The following ARG1 variants were observed in gnomAD, a reference collection of about 807,000 sequenced individuals.
The protein encoded by ARG1 is arginase-1.
ARG1 carries 20 observed loss-of-function variants against 33.0 expected under a neutral mutation model. The ratio of observed to expected loss-of-function variants is 0.61; its 90% CI spans 0.43 to 0.88. ARG1 has a LOEUF of 0.88. ARG1 is among the 40% of genes least tolerant of loss of function. ARG1 has a pLI of 0.00. For synonymous variants in ARG1, 146 were observed against 140.6 expected (o/e 1.04, Z -0.27); for missense variants, 374 against 384.7 (o/e 0.97, Z 0.23).
At chr6:131,576,780 T>C in intron 2 of ARG1, 45 bp downstream of exon 2, 1 of 1,549,796 alleles carries the variant, frequency 6.5e-7, no homozygotes, top group Non-Finnish European at 8.9e-7. Context: ...TCCTCCCCAC[T>C]CTGAAGGAAA....
chr6:131,581,483 T>C, intron 4 of ARG1, 105 bp downstream of exon 4: 1 of 1,327,938 alleles, frequency 7.5e-7, no homozygotes, highest in African/African-American at 1.5e-5. Context: ...CTTGGTGTAA[T>C]CTCAAATCAT....
chr6:131,583,003 G>A (rs1277573531), intron 5 of ARG1, 57 bp from the exon 6 acceptor site: 1 of 1,235,734 alleles, frequency 8.1e-7, no homozygotes, highest in East Asian at 2.5e-5. Flanking sequence ...CTTAAAAGGA[G>A]ACAGGCGGGC....
intron 1 of ARG1, 138 bp downstream of exon 1, chr6:131,573,477 T>C: frequency 1.2e-6 from 1 of 805,410 alleles, no homozygotes; most frequent in South Asian, 1.5e-5. Context: ...TAAAGTCCTC[T>C]CACCATTTTC....
chr6:131,575,749 A>T (rs889976274), intron 1 of ARG1, among the ~76,000 whole-genome samples: 2 of 152,248 alleles, frequency 1.3e-5, no homozygotes, highest in Admixed American at 1.3e-4. Flanking sequence ...CTGTGCCTTT[A>T]GACCTCTAAT....
Position 131,581,253 on chromosome 6 carries a change from G to T in ARG1, c.340G>T (p.Val114Phe). 5 of 1,613,858 alleles carry T rather than the reference G, an allele frequency of 3.1e-6. No individual in the cohort carries two copies. The highest frequency in any genetic ancestry group is 4.2e-6 in the Non-Finnish European group (5 of 1,179,804). Residue 114 changes from valine (V) to phenylalanine (F), a missense_variant, in exon 4 of 8, where the codon GTC becomes TTC. Physicochemically the swap from Val to Phe is conservative, Grantham distance 50. Transcript: ENST00000368087. ...TGGAAGCATCTCTGGCCATGCCAGG[G>T]TCCACCCTGATCTTGGAGTCATCTG... ...AIGSISGHAR[V>F]HPDLGVIWVD... is the part of the protein sequence containing the mutation.
At chr6:131,577,247 A>T (rs1773663785) in intron 2 of ARG1, among the ~76,000 whole-genome samples, 2 of 152,188 alleles carry the variant, frequency 1.3e-5, no homozygotes, top group Non-Finnish European at 2.9e-5. Context: ...TACATATAAG[A>T]TTCTGATAAA....
chr6:131,583,330 G>GAAAT lies in ARG1; in HGVS notation c.666-24_666-21dup, dbSNP rs748252743. The GAAAT allele has an allele frequency of 1.9e-4, 302 of 1,613,936 alleles. 1 individual carries two copies. Among genetic ancestry groups the GAAAT allele is most frequent in the Non-Finnish European group, 1.3e-4 (150 of 1,179,946 alleles). On this transcript the variant is annotated intron_variant, in intron 6 of 7. Coordinates refer to ENST00000368087, the MANE Select transcript of ARG1 (RefSeq NM_000045.4). ...AATGTGAAGCCATCAACCTTAAACT[G>GAAAT]AAATCCTTTCCCACTTCTTAAAAGA...
At chr6:131,575,915 T>C (rs1773589846) in intron 1 of ARG1, among the ~76,000 whole-genome samples, 2 of 152,198 alleles carry the variant, frequency 1.3e-5, no homozygotes, top group Admixed American at 1.3e-4. Context: ...AGCTCCCAGA[T>C]GATGACTTTT....
At chr6:131,575,072 G>C (rs531544697) in intron 1 of ARG1, among the ~76,000 whole-genome samples, 1 of 152,302 alleles carries the variant, frequency 6.6e-6, no homozygotes, top group East Asian at 1.9e-4. Flanking sequence ...TGGGCAGATA[G>C]AGCAAGCAAG....
intron 1 of ARG1, chr6:131,574,221 C>T (rs1358848509): frequency 1.7e-5 from 27 of 1,576,394 alleles, no homozygotes; most frequent in Non-Finnish European, 2.3e-5. Context: ...TTGATTTTCT[C>T]CAGGTTTCTC....
In ARG1 at chr6:131,583,932, C is replaced by A; in HGVS notation, c.*24C>A. The A allele has an allele frequency of 6.2e-7, 1 of 1,610,448 alleles. No individual in the cohort carries two copies. The highest frequency in any genetic ancestry group is 8.5e-7 in the Non-Finnish European group (1 of 1,176,772). On this transcript the variant is annotated 3_prime_UTR_variant, in exon 8 of 8. Transcript: ENST00000368087. ...AAATGTGGAAACATCCGATATAAAT[C>A]TCATAGTTAATGGCATAATTAGAAA...
chr6:131,583,964 C>A lies in ARG1; in HGVS notation c.*56C>A. 1 of 1,581,128 alleles carries A rather than the reference C, an allele frequency of 6.3e-7. No homozygotes were observed. The highest frequency in any genetic ancestry group is 1.1e-5 in the South Asian group (1 of 89,798). Reference sequence around the variant, plus strand: ...TTAATGGCATAATTAGAAAGCTAATCATTTTCTTAAGCATAGAGTTATCCT... The same window carrying A: ...TTAATGGCATAATTAGAAAGCTAATAATTTTCTTAAGCATAGAGTTATCCT... On this transcript the variant is annotated 3_prime_UTR_variant, in exon 8 of 8. Coordinates refer to ENST00000368087, the MANE Select transcript of ARG1 (RefSeq NM_000045.4).
At chr6:131,576,842 G>A (rs528348606) in intron 2 of ARG1, 107 bp downstream of exon 2, 2 of 1,012,024 alleles carry the variant, frequency 2.0e-6, no homozygotes, top group Admixed American at 1.9e-5. Flanking sequence ...CATCAGAATT[G>A]CGGTACTGGT....
intron 1 of ARG1, among the ~76,000 whole-genome samples, chr6:131,575,082 G>T (rs1439377691): frequency 6.6e-6 from 1 of 152,182 alleles, no homozygotes; most frequent in Non-Finnish European, 1.5e-5. Context: ...GAGCAAGCAA[G>T]AGGAAAGCCC....
chr6:131,577,917 A>G (rs972386178), intron 2 of ARG1, among the ~76,000 whole-genome samples: 1 of 151,924 alleles, frequency 6.6e-6, no homozygotes, highest in Non-Finnish European at 1.5e-5. Flanking sequence ...AAAAAAAAAA[A>G]AAAGAAAAAG....
At position 131,582,608 on chromosome 6, in the gene ARG1, A is replaced by T. The variant is rs1448074178; in HGVS notation, c.466-13A>T. On this transcript the variant is annotated splice_polypyrimidine_tract_variant and intron_variant, in intron 4 of 7. Coordinates refer to ENST00000368087, the MANE Select transcript of ARG1 (RefSeq NM_000045.4). ...GAATCATACATAACCAAGTGAAAACATTGTAATTTTAGATTCCCGATGTGC... is the reference window on the plus strand; with the variant it reads ...GAATCATACATAACCAAGTGAAAACTTTGTAATTTTAGATTCCCGATGTGC... 3 of 1,604,744 alleles carry T rather than the reference A, an allele frequency of 1.9e-6. No homozygotes were observed. The highest frequency in any genetic ancestry group is 2.6e-6 in the Non-Finnish European group (3 of 1,171,520).
intron 1 of ARG1, among the ~76,000 whole-genome samples, chr6:131,576,346 CAT>C (rs1326168081): frequency 6.6e-6 from 1 of 152,184 alleles, no homozygotes; most frequent in Non-Finnish European, 1.5e-5. Flanking sequence ...GTGTTGATAA[CAT>C]GGTTTGACGG....
chr6:131,583,009 C>T (rs757133426), intron 5 of ARG1, 51 bp from the exon 6 acceptor site: 60 of 1,313,856 alleles, frequency 4.6e-5, no homozygotes, highest in Middle Eastern at 1.8e-4. Flanking sequence ...AGGAGACAGG[C>T]GGGCACAGTC....
Position 131,584,130 on chromosome 6 carries a change from C to CTT in ARG1, c.*223_*224dup, listed in dbSNP as rs1774082739. 1.8e-6 allele frequency: 1 copy of CTT among 555,898 alleles called. No homozygotes were observed. Among genetic ancestry groups the CTT allele is most frequent in the African/African-American group, 1.9e-5 (1 of 52,686 alleles). 34.4% of individuals were successfully genotyped at this position (555,898 alleles called of 1,614,324 possible). ...TTATATTTTCTAACTTGGCAAAAGA[C>CTT]TTATCCTTAGAAAGAGAAGTGTACA... On this transcript the variant is annotated 3_prime_UTR_variant, in exon 8 of 8. Transcript: ENST00000368087.
Sources: gnomAD v4.1 joint callset for allele counts (sites outside exome capture counted in the v4.1 genomes callset) on GRCh38, gnomAD v4.1.1 for gene constraint, MANE v1.5 for transcripts, NCBI Gene and HGNC (gene_info 2026-07-23, HGNC 2026-07-21) for gene names.